The following NDRG2 variants were observed in gnomAD, a reference collection of about 807,000 sequenced individuals.
NDRG2 encodes NDRG family member 2, also known as protein NDRG2.
In NDRG2, 34 loss-of-function variants were observed where a neutral mutation model predicts 58.2. That is an observed-to-expected ratio of 0.58 (90% CI 0.44 to 0.78). The LOEUF (loss-of-function observed/expected upper bound fraction) is 0.78, where lower values mean the gene tolerates loss of function less well. NDRG2 is among the 30% of genes least tolerant of loss of function. The pLI is 0.00. For missense variants in NDRG2, 434 were observed against 471.2 expected, an observed-to-expected ratio of 0.92 and a Z score of 0.73; for synonymous variants, 187 against 175.9, an observed-to-expected ratio of 1.06 and a Z score of -0.50.
rs200569869 is a variant in NDRG2 at position 21,032,098 on chromosome 14, T to C, written c.25-8777A>G. On this transcript the variant is annotated intron_variant, in intron 1 of 14. Coordinates refer to the NDRG2 transcript ENST00000403829. ...AGTAGAGAGGAGCTTCATCTCAGCCTGCTAGCCCCCTGACCCTGCATGTTT... is the reference window on the plus strand; with the variant it reads ...AGTAGAGAGGAGCTTCATCTCAGCCCGCTAGCCCCCTGACCCTGCATGTTT... The C allele has an allele frequency of 6.2e-6, 10 of 1,607,444 alleles. No homozygotes were observed. In the Admixed American group the frequency reaches 1.7e-4, roughly 27 times the overall value.
chr14:21,037,322 C>T (rs1003683348), intron 1 of NDRG2, among the ~76,000 whole-genome samples: 2 of 152,262 alleles, frequency 1.3e-5, no homozygotes, highest in Non-Finnish European at 2.9e-5. Context: ...ACAACCTCAT[C>T]ATGGTGTCAT....
Position 21,024,013 on chromosome 14 carries a change from G to A in NDRG2, c.-7+17C>T, listed in dbSNP as rs1164820959. On this transcript the variant is annotated intron_variant, in intron 1 of 15. Transcript: ENST00000556147. Reference sequence around the variant, plus strand: ...GCACAGGAAGGAGCCTGCAGCCTGCGGGGTGGGGTCACTTACTGGGCTCCT... The same window carrying A: ...GCACAGGAAGGAGCCTGCAGCCTGCAGGGTGGGGTCACTTACTGGGCTCCT... The A allele has an allele frequency of 1.2e-5, 12 of 985,618 alleles. No homozygotes were observed. The highest frequency in any genetic ancestry group is 1.3e-5 in the Non-Finnish European group (11 of 830,142). The allele number at this position is 985,618 out of a possible 1,614,324, so 61.1% of individuals were successfully genotyped here. A position where few individuals can be genotyped will look rare whatever the true frequency, so the allele number is the denominator to read the frequency against.
chr14:21,035,987 C>A, intron 1 of NDRG2: 1 of 384,086 alleles, frequency 2.6e-6, no homozygotes. Flanking sequence ...CCACTGAAAG[C>A]TTCCTTGTTT....
intron 1 of NDRG2, among the ~76,000 whole-genome samples, chr14:21,042,771 C>G (rs1884960571): frequency 6.6e-6 from 1 of 152,018 alleles, no homozygotes; most frequent in Non-Finnish European, 1.5e-5. Context: ...AACAGAAATA[C>G]AAGATGAGAG....
chr14:21,036,514 C>T (rs1884639625), intron 1 of NDRG2, among the ~76,000 whole-genome samples: 2 of 152,164 alleles, frequency 1.3e-5, no homozygotes, highest in South Asian at 2.1e-4. Context: ...CATCCTGGGC[C>T]ACATGTGACC....
upstream of NDRG2, chr14:21,025,295 A>G: frequency 1.1e-6 from 1 of 941,826 alleles, no homozygotes; most frequent in Non-Finnish European, 1.3e-6. This position sits in a 1 kb window ranked among gnomAD's most constrained non-coding sequence, Gnocchi z 5.1. Context: ...AAAACATTCC[A>G]CCACCCCCTC....
upstream of NDRG2, chr14:21,025,293 C>A: frequency 6.3e-6 from 6 of 946,708 alleles, no homozygotes; most frequent in Non-Finnish European, 7.6e-6. This position sits in a 1 kb window ranked among gnomAD's most constrained non-coding sequence, Gnocchi z 5.1. Context: ...CCAAAACATT[C>A]CACCACCCCC....
chr14:21,048,271 A>G (rs1885296281), intron 1 of NDRG2: 1 of 152,114 alleles, frequency 6.6e-6, no homozygotes, highest in African/African-American at 2.4e-5. Context: ...CCTGTGCAAG[A>G]CTCCAAAACC....
Position 21,070,323 on chromosome 14 carries a change from C to A in NDRG2, c.24+505G>T, listed in dbSNP as rs1414890931. On this transcript the variant is annotated intron_variant, in intron 1 of 14. Transcript: ENST00000403829. This position sits in a 1 kb window ranked among gnomAD's most constrained non-coding sequence, Gnocchi z 4.7. ...TTAGCCAGACCCGGCGAGACACGAGCGGCGGGAGGGAGGCGGTGGCGCGCC... is the reference window on the plus strand; with the variant it reads ...TTAGCCAGACCCGGCGAGACACGAGAGGCGGGAGGGAGGCGGTGGCGCGCC... 2.2e-6 allele frequency: 3 copies of A among 1,385,712 alleles called. No homozygotes were observed. Among genetic ancestry groups the A allele is most frequent in the African/African-American group, 3.1e-5 (2 of 65,494 alleles). 85.8% of individuals were successfully genotyped at this position (1,385,712 alleles called of 1,614,324 possible). A position where few individuals can be genotyped will look rare whatever the true frequency, so the allele number is the denominator to read the frequency against.
At chr14:21,036,194 A>G (rs1007358651) in intron 1 of NDRG2, 11 of 456,204 alleles carry the variant, frequency 2.4e-5, no homozygotes, top group Non-Finnish European at 4.8e-5. Context: ...TCCTCAGTGG[A>G]TGCTCTCGTC....
intron 1 of NDRG2, 133 bp downstream of exon 1, chr14:21,023,897 T>TCCCTTCCTCCCAAGA: frequency 1.1e-6 from 1 of 879,298 alleles, no homozygotes; most frequent in Non-Finnish European, 1.4e-6. Flanking sequence ...ACCCAATGCC[T>TCCCTTCCTCCCAAGA]CCCTTCCTCC....
In NDRG2 at chr14:21,034,203, C is replaced by T. The variant is rs759129007; in HGVS notation, c.25-10882G>A. ...AATGCTTAAGGTATAGAAGTTCCTG[C>T]TGCCAATCTGCATCTTGATGTCCAT... is the stretch of plus-strand genomic sequence containing the variant. On this transcript the variant is annotated intron_variant, in intron 1 of 14. Coordinates refer to the NDRG2 transcript ENST00000403829. The T allele has an allele frequency of 2.0e-5, 32 of 1,614,088 alleles. No homozygotes were observed. In the South Asian group the frequency reaches 3.5e-4, roughly 18 times the overall value.
intron 1 of NDRG2, among the ~76,000 whole-genome samples, chr14:21,067,118 A>G (rs1735194745): frequency 6.6e-6 from 1 of 152,224 alleles, no homozygotes; most frequent in African/African-American, 2.4e-5. Flanking sequence ...GATGGCAGTC[A>G]TAGCTCTTGG....
At chr14:21,033,791 G>C in intron 1 of NDRG2, 2 of 1,373,240 alleles carry the variant, frequency 1.5e-6, no homozygotes, top group Non-Finnish European at 2.1e-6. Context: ...GGCCTGTGGT[G>C]GTAGAGGTTG....
intron 1 of NDRG2, chr14:21,043,991 T>C (rs1179947977): frequency 1.8e-5 from 3 of 169,614 alleles, no homozygotes; most frequent in African/African-American, 7.2e-5. Flanking sequence ...AAATTAAGGT[T>C]TTAGAAAGCT....
At chr14:21,060,878 A>G (rs774838244) in intron 1 of NDRG2, among the ~76,000 whole-genome samples, 6 of 152,192 alleles carry the variant, frequency 3.9e-5, no homozygotes, top group Non-Finnish European at 7.3e-5. Flanking sequence ...TTATCCCAGG[A>G]ACTACCTCAA....
upstream of NDRG2, chr14:21,030,554 G>T: frequency 6.2e-7 from 1 of 1,607,042 alleles, no homozygotes; most frequent in South Asian, 1.1e-5. Context: ...TGTCTCCCAC[G>T]ACTGCCCTCC....
At position 21,045,153 on chromosome 14, in the gene NDRG2, G is replaced by A. The variant is rs548027646; in HGVS notation, c.25-21832C>T. 1.2e-4 allele frequency among the ~76,000 whole-genome samples: 18 copies of A among 152,296 alleles called. No homozygotes were observed. The South Asian group carries it at 2.9e-3, about 25-fold the overall frequency. On this transcript the variant is annotated intron_variant, in intron 1 of 14. Coordinates refer to the NDRG2 transcript ENST00000403829. Reference sequence around the variant, plus strand: ...GCAAATACCCCCACTAAGGTCTCCCGAGAGACTTCCTTCTGCCAGAGTGAT... The same window carrying A: ...GCAAATACCCCCACTAAGGTCTCCCAAGAGACTTCCTTCTGCCAGAGTGAT...
At chr14:21,060,159 A>C (rs1337206370) in intron 1 of NDRG2, among the ~76,000 whole-genome samples, 1 of 152,236 alleles carries the variant, frequency 6.6e-6, no homozygotes, top group African/African-American at 2.4e-5. Flanking sequence ...CAGAGTAAGG[A>C]AAGGATGTCT....
Sources: gnomAD v4.1 joint callset for allele counts (sites outside exome capture counted in the v4.1 genomes callset) on GRCh38, gnomAD v4.1.1 for gene constraint, Gnocchi (gnomAD v3.1) non-coding constraint, MANE v1.5 for transcripts, NCBI Gene and HGNC (gene_info 2026-07-23, HGNC 2026-07-21) for gene names.